The following SORCS1 variants were observed in gnomAD, a reference collection of about 807,000 sequenced individuals.
SORCS1 encodes sortilin related VPS10 domain containing receptor 1, also known as VPS10 domain-containing receptor SorCS1.
A neutral mutation model predicts 146.1 loss-of-function variants in SORCS1; 60 were observed. The observed-to-expected ratio is 0.41, with a 90% CI of 0.33 to 0.51. The LOEUF is 0.51. SORCS1 is among the 20% of genes least tolerant of loss of function. The pLI, the probability that SORCS1 is intolerant of heterozygous loss-of-function variation, is 0.21. For missense variants in SORCS1, 1,352 were observed against 1,487.6 expected, an observed-to-expected ratio of 0.91 and a Z score of 1.50; for synonymous variants, 637 against 584.0, an observed-to-expected ratio of 1.09 and a Z score of -1.31.
chr10:106,622,329 A>G (rs1250122640), intron 19 of SORCS1, among the ~76,000 whole-genome samples: 1 of 151,182 alleles, frequency 6.6e-6, no homozygotes, highest in African/African-American at 2.4e-5. Flanking sequence ...CCATGATCCA[A>G]TTATGATAAT....
chr10:106,688,474 AG>A, intron 9 of SORCS1, 136 bp from the exon 10 acceptor site: 1 of 928,376 alleles, frequency 1.1e-6, no homozygotes, highest in Non-Finnish European at 1.6e-6. Flanking sequence ...CGATGGGGGA[AG>A]GAGGTGGCTC....
At chr10:106,672,001 G>A (rs568951116) in intron 15 of SORCS1, among the ~76,000 whole-genome samples, 1 of 152,196 alleles carries the variant, frequency 6.6e-6, no homozygotes, top group Non-Finnish European at 1.5e-5. Context: ...TGAATAGGGT[G>A]GGTGTTTCCA....
At chr10:107,043,056 C>G (rs1245530407) in intron 1 of SORCS1, among the ~76,000 whole-genome samples, 1 of 152,188 alleles carries the variant, frequency 6.6e-6, no homozygotes, top group African/African-American at 2.4e-5. Flanking sequence ...TTTTCATGCT[C>G]TGTCACCCAT....
chr10:107,105,851 T>A (rs998672413), intron 1 of SORCS1, among the ~76,000 whole-genome samples: 3 of 152,154 alleles, frequency 2.0e-5, no homozygotes, highest in African/African-American at 7.2e-5. Context: ...TGACACTCAA[T>A]ATTAACCATC....
At chr10:106,661,586 T>C (rs1850732783) in intron 17 of SORCS1, among the ~76,000 whole-genome samples, 1 of 152,244 alleles carries the variant, frequency 6.6e-6, no homozygotes, top group Non-Finnish European at 1.5e-5. Context: ...ATGACACACA[T>C]TTTGTAAGGT....
chr10:106,984,550 C>T (rs978136473), intron 1 of SORCS1, among the ~76,000 whole-genome samples: 7 of 151,810 alleles, frequency 4.6e-5, no homozygotes, highest in Non-Finnish European at 7.4e-5. Flanking sequence ...CCCTCCACCA[C>T]GCCCAGCTAA....
chr10:107,111,038 G>A (rs1965661965), intron 1 of SORCS1, among the ~76,000 whole-genome samples: 1 of 152,144 alleles, frequency 6.6e-6, no homozygotes, highest in African/African-American at 2.4e-5. Context: ...AATCCTATAG[G>A]CAATCCCATC....
intron 2 of SORCS1, among the ~76,000 whole-genome samples, chr10:106,902,908 C>T (rs1015988375): frequency 2.6e-5 from 4 of 152,148 alleles, no homozygotes; most frequent in Non-Finnish European, 5.9e-5. Flanking sequence ...GAAACCGTGC[C>T]TCTACTAAAA....
intron 2 of SORCS1, among the ~76,000 whole-genome samples, chr10:106,921,144 T>C (rs974534124): frequency 6.6e-6 from 1 of 152,224 alleles, no homozygotes; most frequent in Non-Finnish European, 1.5e-5. Flanking sequence ...TCAAGTGTTA[T>C]GTTCCAGTTT....
At chr10:106,911,494 T>A (rs752841791) in intron 2 of SORCS1, among the ~76,000 whole-genome samples, 6 of 152,100 alleles carry the variant, frequency 3.9e-5, no homozygotes, top group Non-Finnish European at 8.8e-5. Flanking sequence ...CCTATCCTAT[T>A]TATAGATTAG....
At chr10:106,913,202 A>G (rs756180744) in intron 2 of SORCS1, among the ~76,000 whole-genome samples, 4 of 152,142 alleles carry the variant, frequency 2.6e-5, no homozygotes, top group Admixed American at 2.0e-4. Context: ...TTTCTTGTCC[A>G]TTTGCCTTTT....
At chr10:106,673,863 G>A (rs1339526314) in intron 14 of SORCS1, among the ~76,000 whole-genome samples, 1 of 152,204 alleles carries the variant, frequency 6.6e-6, no homozygotes, top group Non-Finnish European at 1.5e-5. Context: ...AAGCCATGAA[G>A]TGGCCTGTTG....
At position 106,910,424 on chromosome 10, in the gene SORCS1, G is replaced by T. The variant is rs562112720; in HGVS notation, c.626+46089C>A. ...TTATGGGGTTGCATGAAGCTTAAATGAGAGGAAAAGGTGCTCATCTGGCAC... is the reference window on the plus strand; with the variant it reads ...TTATGGGGTTGCATGAAGCTTAAATTAGAGGAAAAGGTGCTCATCTGGCAC... On this transcript the variant is annotated intron_variant, in intron 2 of 25. Coordinates refer to ENST00000263054, the MANE Select transcript of SORCS1 (RefSeq NM_052918.5). Among the ~76,000 whole-genome samples the T allele has an allele frequency of 2.0e-5, 3 of 152,174 alleles. No individual in the cohort carries two copies. The South Asian group carries it at 6.2e-4, about 32-fold the overall frequency.
Position 106,958,649 on chromosome 10 carries a change from G to GCTTCCTTC in SORCS1, c.559-2077_559-2070dup, listed in dbSNP as rs74554963. ...CGCCCCTCTCCTAAACTACAGCACA[G>GCTTCCTTC]CTTCCTTCCTTCCAGGTCCTGTTCA... On this transcript the variant is annotated intron_variant, in intron 1 of 25. Transcript: ENST00000263054. Among the ~76,000 whole-genome samples the GCTTCCTTC allele has an allele frequency of 2.8e-4, 43 of 151,774 alleles. 1 individual carries two copies. Among genetic ancestry groups the GCTTCCTTC allele is most frequent in the Admixed American group, 2.6e-3 (40 of 15,248 alleles).
chr10:106,815,645 C>A (rs73371385), intron 3 of SORCS1, among the ~76,000 whole-genome samples: 3,827 of 152,212 alleles, frequency 0.025, 123 homozygotes, highest in East Asian at 0.15. Context: ...TCAGTCTATA[C>A]CACCAAGGCC....
chr10:106,716,397 G>C (rs1855376543), intron 6 of SORCS1, among the ~76,000 whole-genome samples: 1 of 152,148 alleles, frequency 6.6e-6, no homozygotes, highest in Admixed American at 6.5e-5. Flanking sequence ...AGAGTTATTA[G>C]AAGCTTAGAA....
intron 9 of SORCS1, among the ~76,000 whole-genome samples, chr10:106,694,565 C>T (rs1159452186): frequency 1.3e-5 from 2 of 152,186 alleles, no homozygotes; most frequent in African/African-American, 2.4e-5. Context: ...ATTCAATATC[C>T]TGTAATAAAT....
chr10:106,919,091 C>T (rs11193100), intron 2 of SORCS1, among the ~76,000 whole-genome samples: 7,952 of 152,232 alleles, frequency 0.052, 226 homozygotes, highest in African/African-American at 0.076. Flanking sequence ...CCAACCTTGG[C>T]CTCCCATAGT....
At chr10:107,038,837 C>T (rs1006125101) in intron 1 of SORCS1, among the ~76,000 whole-genome samples, 1 of 152,036 alleles carries the variant, frequency 6.6e-6, no homozygotes, top group Non-Finnish European at 1.5e-5. Context: ...GTTACCAAAA[C>T]CGAACTTCAA....
Sources: allele counts gnomAD v4.1 joint callset (sites outside exome capture counted in the v4.1 genomes callset), GRCh38; gene constraint gnomAD v4.1.1; transcripts MANE v1.5; gene names NCBI Gene and HGNC (gene_info 2026-07-23, HGNC 2026-07-21).